TTLL7: variants seen among roughly 807,000 people sequenced by gnomAD.
The protein encoded by TTLL7 is tubulin tyrosine ligase like 7, also known as tubulin polyglutamylase TTLL7.
Under a neutral mutation model 120.2 loss-of-function variants are expected in TTLL7, and 53 were observed. The observed-to-expected ratio is 0.44, with a 90% CI of 0.35 to 0.55. The LOEUF (loss-of-function observed/expected upper bound fraction) is 0.55. Among genes scored for constraint, TTLL7 ranks in the 20% least tolerant of loss-of-function variants. The probability of loss-of-function intolerance (pLI) is 0.00; values close to 1 mark genes in which losing one functional copy is unlikely to be tolerated. For missense variants in TTLL7, 803 were observed against 1,054.7 expected, an observed-to-expected ratio of 0.76 and a Z score of 3.31; for synonymous variants, 353 against 351.7, an observed-to-expected ratio of 1.00 and a Z score of -0.04.
chr1:83,891,722 G>A (rs1424232463), intron 18 of TTLL7, among the ~76,000 whole-genome samples: 1 of 152,092 alleles, frequency 6.6e-6, no homozygotes, highest in Non-Finnish European at 1.5e-5. Context: ...GGACTACTGT[G>A]CAGTATTAAT....
intron 1 of TTLL7, among the ~76,000 whole-genome samples, chr1:83,976,369 T>C (rs1651488589): frequency 6.6e-6 from 1 of 152,040 alleles, no homozygotes; most frequent in African/African-American, 2.4e-5. Context: ...CATTATATCA[T>C]ATATTTTAAA....
chr1:83,903,972 T>C, intron 18 of TTLL7, 107 bp downstream of exon 18: 2 of 827,976 alleles, frequency 2.4e-6, no homozygotes, highest in Non-Finnish European at 4.0e-6. Flanking sequence ...GTTGAAGAAA[T>C]GAGTAAACAA....
chr1:83,897,221 GA>G (rs766796760), intron 18 of TTLL7, among the ~76,000 whole-genome samples: 6 of 151,958 alleles, frequency 3.9e-5, no homozygotes, highest in African/African-American at 4.8e-5. Context: ...CCTGGAACAG[GA>G]AAAGTGGTAT....
intron 1 of TTLL7, among the ~76,000 whole-genome samples, chr1:83,973,189 G>A (rs1262304545): frequency 2.6e-5 from 4 of 152,004 alleles, no homozygotes; most frequent in Admixed American, 6.6e-5. Context: ...TTTTCTAGGA[G>A]TTTTATACTT....
At chr1:83,875,960 T>C (rs1002933332) in intron 20 of TTLL7, among the ~76,000 whole-genome samples, 4 of 151,904 alleles carry the variant, frequency 2.6e-5, no homozygotes, top group Non-Finnish European at 5.9e-5. Flanking sequence ...CACTTGTTAT[T>C]AAAATTTTTT....
rs1341683513 is a variant in TTLL7 at position 83,948,884 on chromosome 1, A to C, written c.280-189T>G. Reference sequence around the variant, plus strand: ...TAAAGAGTATGGTAATCAGAGAATAAAACTGCAAAATTTTAAAGAAAACAC... The same window carrying C: ...TAAAGAGTATGGTAATCAGAGAATACAACTGCAAAATTTTAAAGAAAACAC... On this transcript the variant is annotated intron_variant, in intron 4 of 20. Coordinates refer to ENST00000260505, the MANE Select transcript of TTLL7 (RefSeq NM_024686.6). The C allele has an allele frequency of 7.1e-6, 3 of 424,214 alleles. No individual in the cohort carries two copies. In the East Asian group the frequency reaches 1.1e-4, roughly 16 times the overall value. 26.3% of individuals were successfully genotyped at this position (424,214 alleles called of 1,614,324 possible). A position where few individuals can be genotyped will look rare whatever the true frequency, so the allele number is the denominator to read the frequency against.
In TTLL7 at chr1:83,937,498, C is replaced by T. The variant is rs546083330; in HGVS notation, c.888+354G>A. On this transcript the variant is annotated intron_variant, in intron 8 of 20. Transcript: ENST00000260505. ...AATTACAGGCGTGAGCCACTGTGCCCGGCCTAGTACAGTAATGTTTTGTAC... is the reference window on the plus strand; with the variant it reads ...AATTACAGGCGTGAGCCACTGTGCCTGGCCTAGTACAGTAATGTTTTGTAC... 8.5e-5 allele frequency among the ~76,000 whole-genome samples: 13 copies of T among 152,254 alleles called. No homozygotes were observed. The East Asian group carries it at 1.2e-3, about 14-fold the overall frequency.
intron 9 of TTLL7, among the ~76,000 whole-genome samples, chr1:83,931,330 T>A (rs11163868): frequency 2.6e-5 from 4 of 151,944 alleles, no homozygotes; most frequent in East Asian, 1.9e-4. Flanking sequence ...CCATAATAGC[T>A]TCTGTGCTCC....
chr1:83,948,667 T>TA lies in TTLL7; in HGVS notation c.307_308insT (p.Glu103ValfsTer4), dbSNP rs1418907483. 6.2e-7 allele frequency: 1 copy of TA among 1,609,934 alleles called. No homozygotes were observed. Among genetic ancestry groups the TA allele is most frequent in the Admixed American group, 1.7e-5 (1 of 59,786 alleles). On this transcript the variant is annotated frameshift_variant, in exon 5 of 21. Transcript: ENST00000260505. LOFTEE classifies it high-confidence loss of function. ...TGCTAAGAAATCCTTCCTACAGATC[T>TA]CCCCCATTCCTGGAAAATGGTTGAT...
intron 1 of TTLL7, among the ~76,000 whole-genome samples, chr1:83,966,349 TC>T (rs1291455702): frequency 6.6e-6 from 1 of 151,610 alleles, no homozygotes; most frequent in African/African-American, 2.4e-5. Context: ...TCTCCCTCCC[TC>T]CTCCTTCCCT....
At chr1:83,943,684 T>C (rs1265339255) in intron 6 of TTLL7, among the ~76,000 whole-genome samples, 1 of 152,190 alleles carries the variant, frequency 6.6e-6, no homozygotes, top group Non-Finnish European at 1.5e-5. Context: ...AGAGTCTAAT[T>C]TCTAGAATTG....
intron 1 of TTLL7, among the ~76,000 whole-genome samples, chr1:83,975,277 G>C (rs772882466): frequency 3.3e-5 from 5 of 152,104 alleles, no homozygotes; most frequent in Non-Finnish European, 7.4e-5. Context: ...AAGCTAATGG[G>C]TCTGGAGTGC....
intron 20 of TTLL7, among the ~76,000 whole-genome samples, chr1:83,874,087 T>G (rs116018356): frequency 0.042 from 6,356 of 152,114 alleles, 159 homozygotes; most frequent in Middle Eastern, 0.095. Context: ...TCAGAACTTT[T>G]CATCATCTCA....
chr1:83,938,843 G>A (rs1647664233), intron 7 of TTLL7, among the ~76,000 whole-genome samples: 1 of 152,132 alleles, frequency 6.6e-6, no homozygotes, highest in Admixed American at 6.5e-5. Flanking sequence ...TTACTTGAGA[G>A]AGCAATGTTA....
At position 83,892,541 on chromosome 1, in the gene TTLL7, AATGAACATATATATGAACAT is replaced by A. The variant is rs1347462390; in HGVS notation, c.2209-2080_2209-2061del. On this transcript the variant is annotated intron_variant, in intron 18 of 20. Transcript: ENST00000260505. ...ATATGAACATATATATGAACATATG[AATGAACATATATATGAACAT>A]ATGAACATATATATGAACATATAAA... Among the ~76,000 whole-genome samples, 44 of 75,106 alleles carry A rather than the reference AATGAACATATATATGAACAT, an allele frequency of 5.9e-4. 1 individual carries two copies. The highest frequency in any genetic ancestry group is 1.7e-3 in the African/African-American group (40 of 23,718). The allele number at this position is 75,106 out of a possible 152,430, so 49.3% of individuals were successfully genotyped here. A position where few individuals can be genotyped will look rare whatever the true frequency, so the allele number is the denominator to read the frequency against.
chr1:83,914,742 G>A (rs1657995526), intron 14 of TTLL7, among the ~76,000 whole-genome samples: 1 of 152,074 alleles, frequency 6.6e-6, no homozygotes, highest in Non-Finnish European at 1.5e-5. Flanking sequence ...TCTCTATGGG[G>A]CTGTAGCACT....
At chr1:83,958,503 A>T (rs930337671) in intron 1 of TTLL7, among the ~76,000 whole-genome samples, 2 of 152,208 alleles carry the variant, frequency 1.3e-5, no homozygotes, top group African/African-American at 4.8e-5. Context: ...GAAATCTATT[A>T]CTTCCTAAAA....
chr1:83,892,944 AAG>A (rs1655884961), intron 18 of TTLL7, among the ~76,000 whole-genome samples: 1 of 110,618 alleles, frequency 9.0e-6, no homozygotes, highest in South Asian at 2.9e-4. Context: ...GAAAGAAAGA[AAG>A]AAAGAAAAGA....
intron 19 of TTLL7, among the ~76,000 whole-genome samples, chr1:83,889,177 G>T (rs879305954): frequency 6.6e-6 from 1 of 151,940 alleles, no homozygotes; most frequent in African/African-American, 2.4e-5. Context: ...TTCACATGGC[G>T]GCAGCAAGGA....
Sources: allele counts gnomAD v4.1 joint callset (sites outside exome capture counted in the v4.1 genomes callset), GRCh38; gene constraint gnomAD v4.1.1; transcripts MANE v1.5; gene names NCBI Gene and HGNC (gene_info 2026-07-23, HGNC 2026-07-21).